The following LPA variants were observed in gnomAD, a reference collection of about 807,000 sequenced individuals.
LPA encodes the protein apolipoprotein(a).
A neutral mutation model predicts 197.9 loss-of-function variants in LPA; 199 were observed. The ratio of observed to expected loss-of-function variants is 1.01; its 90% CI spans 0.90 to 1.13. The LOEUF (loss-of-function observed/expected upper bound fraction) is 1.13, where lower values mean the gene tolerates loss of function less well. LPA is among the 50% of genes most tolerant of loss of function. The pLI, the probability that LPA is intolerant of heterozygous loss-of-function variation, is 0.00. For missense variants in LPA, 1,853 were observed against 1,785.8 expected (o/e 1.04, Z -0.68); for synonymous variants, 715 against 639.5 (o/e 1.12, Z -1.78).
At chr6:160,560,752 A>T (rs1400026818) in intron 28 of LPA, among the ~76,000 whole-genome samples, 1 of 151,802 alleles carries the variant, frequency 6.6e-6, no homozygotes, top group Non-Finnish European at 1.5e-5. Context: ...CTCTGATGAG[A>T]GTTTTTTGCT....
At chr6:160,573,519 G>GGGTT (rs1295001568) in intron 28 of LPA, among the ~76,000 whole-genome samples, 4 of 152,086 alleles carry the variant, frequency 2.6e-5, no homozygotes, top group Non-Finnish European at 5.9e-5. Flanking sequence ...CATATTACCA[G>GGGTT]GGTTGGTTTT....
At chr6:160,583,003 CT>C (rs201388738) in intron 26 of LPA, among the ~76,000 whole-genome samples, 3 of 151,658 alleles carry the variant, frequency 2.0e-5, no homozygotes, top group African/African-American at 7.3e-5. Context: ...AAAGAGATGT[CT>C]TTTTTTTCAG....
intron 27 of LPA, 90 bp downstream of exon 27, chr6:160,578,433 C>A: frequency 6.6e-7 from 1 of 1,523,592 alleles, no homozygotes; most frequent in Non-Finnish European, 9.1e-7. Context: ...TCAACCAACC[C>A]TCCAGTGTAC....
chr6:160,542,638 T>C (rs778797374), intron 34 of LPA, 50 bp downstream of exon 34: 2 of 1,610,902 alleles, frequency 1.2e-6, no homozygotes, highest in South Asian at 1.1e-5. Context: ...AAGGGTTTTG[T>C]GGGGCTTACA....
intron 17 of LPA, 152 bp downstream of exon 17, chr6:160,606,325 C>A (rs1582881046): frequency 8.4e-7 from 1 of 1,196,608 alleles, no homozygotes; most frequent in Non-Finnish European, 1.2e-6. Flanking sequence ...CTGGCTCCCC[C>A]AGAGAGTGCA....
At chr6:160,585,660 TG>T (rs1778897051) in intron 25 of LPA, among the ~76,000 whole-genome samples, 1 of 151,996 alleles carries the variant, frequency 6.6e-6, no homozygotes, top group Admixed American at 6.6e-5. Flanking sequence ...CTTCAGATTC[TG>T]GGGTGTGGGG....
intron 23 of LPA, 50 bp from the exon 24 acceptor site, chr6:160,589,762 A>G: frequency 6.2e-7 from 1 of 1,606,564 alleles, no homozygotes; most frequent in Admixed American, 1.7e-5. Context: ...AGAACACAGA[A>G]GCATGAGAAA....
intron 16 of LPA, among the ~76,000 whole-genome samples, chr6:160,608,710 C>A (rs1222499466): frequency 1.3e-5 from 2 of 152,096 alleles, no homozygotes; most frequent in Non-Finnish European, 2.9e-5. Context: ...TGTTTCCAAT[C>A]TCCCGTTCTC....
chr6:160,579,568 C>G (rs563692468), intron 26 of LPA, among the ~76,000 whole-genome samples: 1 of 152,282 alleles, frequency 6.6e-6, no homozygotes, highest in East Asian at 1.9e-4. Flanking sequence ...AGTCAGAAAA[C>G]AATGCAGTAA....
At chr6:160,580,234 T>A (rs1778766834) in intron 26 of LPA, among the ~76,000 whole-genome samples, 1 of 152,240 alleles carries the variant, frequency 6.6e-6, no homozygotes, top group Non-Finnish European at 1.5e-5. Flanking sequence ...TGAATAGTAT[T>A]CCTTTGTATA....
rs766884402 is a variant in LPA at position 160,541,155 on chromosome 6, G to A, written c.5546C>T (p.Thr1849Ile). 1.2e-6 allele frequency: 2 copies of A among 1,614,110 alleles called. No individual in the cohort carries two copies. The highest frequency in any genetic ancestry group is 1.7e-6 in the Non-Finnish European group (2 of 1,179,966). Residue 1849 changes from threonine to isoleucine, a missense_variant, in exon 35 of 39, where the codon ACC becomes ATC. Physicochemically the swap from Thr to Ile is moderately conservative, Grantham distance 89. Coordinates refer to ENST00000316300, the MANE Select transcript of LPA (RefSeq NM_005577.4). ...CAGCACCCACTCTGGGGATATTAAG[G>A]TGCCTCCACAGAAGTGCTTTCCAAA... ...TRFGKHFCGG[T>I]LISPEWVLTA...
intron 17 of LPA, 101 bp downstream of exon 17, chr6:160,606,376 G>A: frequency 2.7e-6 from 4 of 1,499,386 alleles, no homozygotes; most frequent in South Asian, 2.3e-5. Flanking sequence ...GTCAACACTC[G>A]AGCATCCGTT....
intron 30 of LPA, among the ~76,000 whole-genome samples, chr6:160,551,587 T>A (rs1163068100): frequency 1.3e-5 from 2 of 152,222 alleles, no homozygotes; most frequent in African/African-American, 4.8e-5. Context: ...TACAGACTCC[T>A]GCCTCAAAAA....
At chr6:160,579,594 A>C (rs186598950) in intron 26 of LPA, among the ~76,000 whole-genome samples, 15 of 152,312 alleles carry the variant, frequency 9.8e-5, no homozygotes, top group Middle Eastern at 3.4e-3. Context: ...ACAGCAGGTG[A>C]AGACCCCAGG....
At chr6:160,548,177 TTGAC>T (rs1234408124) in intron 31 of LPA, among the ~76,000 whole-genome samples, 1 of 152,170 alleles carries the variant, frequency 6.6e-6, no homozygotes, top group African/African-American at 2.4e-5. Flanking sequence ...GAATAGGAAT[TTGAC>T]TGGGACACTG....
chr6:160,611,782 C>G, intron 15 of LPA, 61 bp from the exon 16 acceptor site: 2 of 1,216,346 alleles, frequency 1.6e-6, no homozygotes, highest in Admixed American at 2.1e-5. Context: ...TATGTGAAGC[C>G]ATTTATGACA....
intron 32 of LPA, 69 bp downstream of exon 32, chr6:160,547,720 C>T: frequency 1.9e-6 from 3 of 1,606,562 alleles, no homozygotes; most frequent in Non-Finnish European, 2.6e-6. Flanking sequence ...CAGTATTTTC[C>T]TCTGCCCCTC....
At chr6:160,546,910 T>G (rs886970175) in intron 32 of LPA, among the ~76,000 whole-genome samples, 1 of 152,176 alleles carries the variant, frequency 6.6e-6, no homozygotes, top group African/African-American at 2.4e-5. Context: ...AGTCTCATGG[T>G]GACCTGATGG....
At chr6:160,536,838 G>A (rs913511679) in intron 37 of LPA, among the ~76,000 whole-genome samples, 1 of 152,180 alleles carries the variant, frequency 6.6e-6, no homozygotes, top group African/African-American at 2.4e-5. Flanking sequence ...AAAAAGGGAA[G>A]CCTACTTTGA....
Sources: allele counts gnomAD v4.1 joint callset (sites outside exome capture counted in the v4.1 genomes callset), GRCh38; gene constraint gnomAD v4.1.1; transcripts MANE v1.5; gene names NCBI Gene and HGNC (gene_info 2026-07-23, HGNC 2026-07-21).